Variants in IQGAP2 observed in about 807,000 individuals in gnomAD.
IQGAP2 encodes the protein ras GTPase-activating-like protein IQGAP2.
A neutral mutation model predicts 201.3 loss-of-function variants in IQGAP2; 173 were observed. That is an observed-to-expected ratio of 0.86 (90% CI 0.76 to 0.98). The LOEUF (loss-of-function observed/expected upper bound fraction) is 0.98. IQGAP2 is among the 50% of genes least tolerant of loss of function. The pLI is 0.00. For missense variants in IQGAP2, 1,687 were observed against 1,864.8 expected (o/e 0.90, Z 1.76); for synonymous variants, 675 against 673.9 (o/e 1.00, Z -0.03).
chr5:76,667,973 G>A (rs568319979), intron 22 of IQGAP2, among the ~76,000 whole-genome samples: 1 of 149,274 alleles, frequency 6.7e-6, no homozygotes, highest in Non-Finnish European at 1.5e-5. Context: ...TGAAATACTG[G>A]GCTCAAGTGA....
intron 2 of IQGAP2, among the ~76,000 whole-genome samples, chr5:76,545,600 G>T (rs1274768571): frequency 1.3e-5 from 2 of 151,440 alleles, no homozygotes; most frequent in Non-Finnish European, 2.9e-5. Context: ...TTATGCAAAT[G>T]GTATGGCTAT....
intron 5 of IQGAP2, among the ~76,000 whole-genome samples, chr5:76,577,028 T>C (rs1745514535): frequency 1.3e-5 from 2 of 152,246 alleles, no homozygotes; most frequent in Admixed American, 6.5e-5. Context: ...GATAACACTA[T>C]AGTTAGTACT....
chr5:76,680,833 A>G (rs915022202), intron 28 of IQGAP2, among the ~76,000 whole-genome samples: 7 of 150,034 alleles, frequency 4.7e-5, no homozygotes, highest in Non-Finnish European at 1.0e-4. Flanking sequence ...ATCCAGGTGC[A>G]GTGGCTCACA....
intron 2 of IQGAP2, among the ~76,000 whole-genome samples, chr5:76,512,366 G>T (rs1465371205): frequency 1.3e-5 from 2 of 152,160 alleles, no homozygotes; most frequent in Non-Finnish European, 2.9e-5. Flanking sequence ...AGGAGGATTG[G>T]GAGCTTCACG....
At chr5:76,587,609 T>G (rs1746339708) in intron 5 of IQGAP2, among the ~76,000 whole-genome samples, 1 of 152,198 alleles carries the variant, frequency 6.6e-6, no homozygotes, top group South Asian at 2.1e-4. Context: ...CCACTAATTT[T>G]TTACTTTGAT....
At chr5:76,442,102 T>TC (rs976189698) in intron 1 of IQGAP2, among the ~76,000 whole-genome samples, 10 of 152,150 alleles carry the variant, frequency 6.6e-5, no homozygotes, top group Non-Finnish European at 1.0e-4. Flanking sequence ...TGTGATCTTA[T>TC]CCCCCCATCA....
At chr5:76,666,016 G>C (rs1743725373) in intron 22 of IQGAP2, among the ~76,000 whole-genome samples, 1 of 152,244 alleles carries the variant, frequency 6.6e-6, no homozygotes, top group Non-Finnish European at 1.5e-5. Flanking sequence ...GAGATGCTTA[G>C]ATCTTTGTTT....
intron 2 of IQGAP2, among the ~76,000 whole-genome samples, chr5:76,549,443 G>A (rs761829838): frequency 6.6e-6 from 1 of 151,676 alleles, no homozygotes; most frequent in Non-Finnish European, 1.5e-5. Flanking sequence ...AAACTAATAA[G>A]TATTATATCT....
intron 2 of IQGAP2, among the ~76,000 whole-genome samples, chr5:76,484,541 C>T (rs936580716): frequency 2.0e-5 from 3 of 152,094 alleles, no homozygotes; most frequent in East Asian, 1.9e-4. Context: ...CTAAATATAT[C>T]GGGCTATGAA....
rs760467728 is a variant in IQGAP2 at position 76,585,856 on chromosome 5, C to T, written c.459-3050C>T. Among the ~76,000 whole-genome samples, 67 of 152,168 alleles carry T rather than the reference C, an allele frequency of 4.4e-4. 1 individual carries two copies. Among genetic ancestry groups the T allele is most frequent in the South Asian group, 1.0e-3 (5 of 4,816 alleles). ...AAATGATGGCTTGATCTCCATTCACCCCCCAAATTCTTTTGCAGTTTATCT... is the reference window on the plus strand; with the variant it reads ...AAATGATGGCTTGATCTCCATTCACTCCCCAAATTCTTTTGCAGTTTATCT... On this transcript the variant is annotated intron_variant, in intron 5 of 35. Transcript: ENST00000274364.
intron 17 of IQGAP2, among the ~76,000 whole-genome samples, chr5:76,641,388 A>G (rs1751570039): frequency 6.6e-6 from 1 of 152,218 alleles, no homozygotes. Flanking sequence ...TATACCTTGG[A>G]TCAGAGTTGA....
chr5:76,671,227 C>T (rs948151500), intron 23 of IQGAP2, among the ~76,000 whole-genome samples: 5 of 152,100 alleles, frequency 3.3e-5, no homozygotes, highest in Non-Finnish European at 7.3e-5. Context: ...CGCTACTACT[C>T]TCCAACCTGG....
intron 1 of IQGAP2, 64 bp from the exon 2 acceptor site, chr5:76,461,506 A>G (rs1006331900): frequency 9.2e-7 from 1 of 1,092,488 alleles, no homozygotes; most frequent in Non-Finnish European, 1.4e-6. Context: ...TTTCTGATTG[A>G]TTGTCTCAGG....
chr5:76,618,640 T>C (rs1449763107), intron 13 of IQGAP2: 2 of 1,605,876 alleles, frequency 1.2e-6, no homozygotes, highest in Non-Finnish European at 1.7e-6. Flanking sequence ...TCATTTTCCA[T>C]GCCTGTAATT....
intron 2 of IQGAP2, among the ~76,000 whole-genome samples, chr5:76,490,980 T>G (rs1046126077): frequency 6.0e-5 from 9 of 150,834 alleles, no homozygotes; most frequent in Non-Finnish European, 1.2e-4. Context: ...GCATTGGAGA[T>G]TTTCATCTTT....
At chr5:76,660,629 G>C (rs1449794705) in intron 21 of IQGAP2, among the ~76,000 whole-genome samples, 1 of 152,236 alleles carries the variant, frequency 6.6e-6, no homozygotes, top group Non-Finnish European at 1.5e-5. Flanking sequence ...ATGAATGCTT[G>C]AGGTTTTGTG....
chr5:76,493,226 G>A (rs909163465), intron 2 of IQGAP2, among the ~76,000 whole-genome samples: 11 of 151,882 alleles, frequency 7.2e-5, no homozygotes, highest in South Asian at 2.1e-4. Context: ...GGCTCTCGTC[G>A]CACCCAGAGT....
At chr5:76,532,556 G>T (rs1759374660) in intron 2 of IQGAP2, among the ~76,000 whole-genome samples, 1 of 152,020 alleles carries the variant, frequency 6.6e-6, no homozygotes, top group East Asian at 1.9e-4. Context: ...TATCCTGTAG[G>T]CGTGGTCAAG....
chr5:76,551,679 C>A (rs1404859650), intron 2 of IQGAP2, among the ~76,000 whole-genome samples: 2 of 150,434 alleles, frequency 1.3e-5, no homozygotes, highest in African/African-American at 2.5e-5. Flanking sequence ...ACGGCGAAAC[C>A]CCGTCTCCAC....
Sources: allele counts gnomAD v4.1 joint callset (sites outside exome capture counted in the v4.1 genomes callset), GRCh38; gene constraint gnomAD v4.1.1; transcripts MANE v1.5; gene names NCBI Gene and HGNC (gene_info 2026-07-23, HGNC 2026-07-21).